N4BP1: variants seen among roughly 807,000 people sequenced by gnomAD.
N4BP1 encodes the protein NEDD4-binding protein 1.
In N4BP1, 21 loss-of-function variants were observed where a neutral mutation model predicts 70.9. The ratio of observed to expected loss-of-function variants is 0.30; its 90% CI spans 0.21 to 0.43. N4BP1 has a LOEUF of 0.43. Ranked by LOEUF, N4BP1 falls within the 20% of genes least tolerant of loss-of-function variation. The pLI, the probability that N4BP1 is intolerant of heterozygous loss-of-function variation, is 1.00. For synonymous variants in N4BP1, 387 were observed against 394.6 expected (o/e 0.98, Z 0.23); for missense variants, 936 against 1,069.4 (o/e 0.88, Z 1.74).
intron 2 of N4BP1, among the ~76,000 whole-genome samples, chr16:48,556,403 TCAAAC>T (rs1400503616): frequency 6.6e-6 from 1 of 152,164 alleles, no homozygotes; most frequent in Non-Finnish European, 1.5e-5. Flanking sequence ...CTCTCTGCAA[TCAAAC>T]CAGAGTAGCA....
chr16:48,601,708 TG>T (rs111373076), intron 1 of N4BP1, among the ~76,000 whole-genome samples: 60,922 of 151,756 alleles, frequency 0.4, 13,179 homozygotes, highest in African/African-American at 0.56. Flanking sequence ...AGGTTTTTTG[TG>T]GTTTTTTTTG....
At position 48,539,794 on chromosome 16, in the gene N4BP1, AAG is replaced by A. The variant is rs1201585076; in HGVS notation, c.*3108_*3109del. 6.6e-6 allele frequency: 1 copy of A among 152,396 alleles called. No individual in the cohort carries two copies. Among genetic ancestry groups the A allele is most frequent in the Non-Finnish European group, 1.5e-5 (1 of 68,156 alleles). The allele number at this position is 152,396 out of a possible 1,614,324, so 9.4% of individuals were successfully genotyped here. ...TTAAGGACTGGCTTTAGGCAAAAAG[AAG>A]AGACAAAAAGAATGAGGGAGGTCTG... On this transcript the variant is annotated 3_prime_UTR_variant, in exon 7 of 7. Coordinates refer to ENST00000262384, the MANE Select transcript of N4BP1 (RefSeq NM_153029.4).
chr16:48,575,972 A>C (rs911923479), intron 1 of N4BP1, among the ~76,000 whole-genome samples: 1 of 152,166 alleles, frequency 6.6e-6, no homozygotes, highest in Non-Finnish European at 1.5e-5. Context: ...CAAAATATTA[A>C]GGAGGGATTT....
At position 48,543,374 on chromosome 16, in the gene N4BP1, C is replaced by T. The variant is rs541671032; in HGVS notation, c.2334-113G>A. The T allele has an allele frequency of 1.4e-5, 12 of 851,544 alleles. No individual in the cohort carries two copies. In the African/African-American group the frequency reaches 2.1e-4, roughly 15 times the overall value. 52.7% of individuals were successfully genotyped at this position (851,544 alleles called of 1,614,324 possible). On this transcript the variant is annotated intron_variant, in intron 6 of 6. Transcript: ENST00000262384. ...TGAGGCTCAGGATGCCGCTCCCTGG[C>T]TTCCAAAGGCAGGATGCAAGACTGA...
At chr16:48,579,163 G>T (rs1438878228) in intron 1 of N4BP1, among the ~76,000 whole-genome samples, 1 of 152,202 alleles carries the variant, frequency 6.6e-6, no homozygotes, top group African/African-American at 2.4e-5. Flanking sequence ...AATGTCAGAT[G>T]AGAAACCCTG....
intron 1 of N4BP1, chr16:48,577,757 C>A: frequency 6.0e-6 from 1 of 167,556 alleles, no homozygotes; most frequent in Admixed American, 6.3e-5. Flanking sequence ...TCAATACCAG[C>A]CACCAGCAGC....
intron 1 of N4BP1, among the ~76,000 whole-genome samples, chr16:48,593,801 G>T (rs556743849): frequency 2.6e-5 from 4 of 152,214 alleles, no homozygotes; most frequent in African/African-American, 9.6e-5. Context: ...CCTGAGGTTA[G>T]GAGTTTGAGA....
intron 1 of N4BP1, among the ~76,000 whole-genome samples, chr16:48,568,506 T>C (rs1963972665): frequency 6.6e-6 from 1 of 152,238 alleles, no homozygotes; most frequent in Admixed American, 6.5e-5. Context: ...CTTAGGAGAA[T>C]ACCTAAGGAA....
intron 1 of N4BP1, among the ~76,000 whole-genome samples, chr16:48,563,928 G>C (rs1963899153): frequency 6.6e-6 from 1 of 152,074 alleles, no homozygotes; most frequent in African/African-American, 2.4e-5. Context: ...CCTCCTTCTA[G>C]CTATTTGAAA....
rs532840486 is a variant in N4BP1 at position 48,545,234 on chromosome 16, G to C, written c.2333+913C>G. Among the ~76,000 whole-genome samples the C allele has an allele frequency of 3.3e-5, 5 of 151,638 alleles. No individual in the cohort carries two copies. In the South Asian group the frequency reaches 1.1e-3, roughly 32 times the overall value. On this transcript the variant is annotated intron_variant, in intron 6 of 6. Transcript: ENST00000262384. The stretch of plus-strand genomic sequence containing the variant: ...CCTGCCTCGGCCTCACAAAGTGCTG[G>C]GATTACAGGCGTGAGCCACCAAACC...
chr16:48,599,409 A>G (rs560023063), intron 1 of N4BP1, among the ~76,000 whole-genome samples: 1 of 152,348 alleles, frequency 6.6e-6, no homozygotes, highest in Non-Finnish European at 1.5e-5. Flanking sequence ...TTGTGTTAGA[A>G]GCATGTTAGA....
chr16:48,572,871 C>A (rs1005214876), intron 1 of N4BP1, among the ~76,000 whole-genome samples: 17 of 152,268 alleles, frequency 1.1e-4, no homozygotes, highest in Middle Eastern at 3.4e-3. Flanking sequence ...TGGCTCACAT[C>A]TATAATTCCA....
At chr16:48,559,727 G>A (rs1031358687) in intron 2 of N4BP1, 1 of 152,188 alleles carries the variant, frequency 6.6e-6, no homozygotes, top group Non-Finnish European at 1.5e-5. Context: ...TGTTTCTGCA[G>A]GGCAATTCCC....
At chr16:48,601,846 G>T (rs1964506455) in intron 1 of N4BP1, among the ~76,000 whole-genome samples, 1 of 152,130 alleles carries the variant, frequency 6.6e-6, no homozygotes, top group African/African-American at 2.4e-5. Context: ...AAGTAGCTAG[G>T]ACTACGGGGC....
intron 1 of N4BP1, among the ~76,000 whole-genome samples, chr16:48,566,861 T>C (rs2151091148): frequency 6.6e-6 from 1 of 152,332 alleles, no homozygotes; most frequent in East Asian, 1.9e-4. Flanking sequence ...TCTGCCAGTT[T>C]TTGGTTCACA....
At chr16:48,544,579 G>A (rs1011830795) in intron 6 of N4BP1, among the ~76,000 whole-genome samples, 8 of 152,170 alleles carry the variant, frequency 5.3e-5, no homozygotes, top group Non-Finnish European at 1.2e-4. Flanking sequence ...GGAATCTTTA[G>A]TTAATGTCTG....
At chr16:48,584,565 T>C (rs916765635) in intron 1 of N4BP1, among the ~76,000 whole-genome samples, 3 of 151,774 alleles carry the variant, frequency 2.0e-5, no homozygotes, top group Non-Finnish European at 4.4e-5. Flanking sequence ...TCCAACATAA[T>C]GAAACTAAAC....
Position 48,562,386 on chromosome 16 carries a change from T to A in N4BP1, c.257A>T (p.Asp86Val). The A allele has an allele frequency of 6.2e-7, 1 of 1,613,646 alleles. No individual in the cohort carries two copies. The highest frequency in any genetic ancestry group is 8.5e-7 in the Non-Finnish European group (1 of 1,179,772). The stretch of plus-strand genomic sequence containing the variant: ...TGCCCCAACAAAAATGCAGTGCATG[T>A]CCTTGGGGTAACATTCTCTTTCTTC... ...ELEERECYPKDMHCIFVGAES... is the reference protein window; with the variant it reads ...ELEERECYPKVMHCIFVGAES... Residue 86 changes from aspartate to valine, a missense_variant, in exon 2 of 7, where the codon GAC becomes GTC. Physicochemically the swap from Asp to Val is radical, Grantham distance 152. Transcript: ENST00000262384.
intron 2 of N4BP1, among the ~76,000 whole-genome samples, chr16:48,554,114 G>T (rs753675851): frequency 5.5e-4 from 83 of 151,634 alleles, no homozygotes; most frequent in Non-Finnish European, 1.1e-3. Flanking sequence ...AGACTCAAAT[G>T]AAACTAATGG....
Sources: allele counts gnomAD v4.1 joint callset (sites outside exome capture counted in the v4.1 genomes callset), GRCh38; gene constraint gnomAD v4.1.1; transcripts MANE v1.5; gene names NCBI Gene and HGNC (gene_info 2026-07-23, HGNC 2026-07-21).